MAN2A1: variants seen among roughly 807,000 people sequenced by gnomAD.
MAN2A1 encodes the protein alpha-mannosidase 2.
Under a neutral mutation model 142.6 loss-of-function variants are expected in MAN2A1, and 76 were observed. The ratio of observed to expected loss-of-function variants is 0.53; its 90% CI spans 0.44 to 0.65. The LOEUF (loss-of-function observed/expected upper bound fraction) is 0.65, where lower values mean the gene tolerates loss of function less well. MAN2A1 is among the 30% of genes least tolerant of loss of function. The pLI, the probability that MAN2A1 is intolerant of heterozygous loss-of-function variation, is 0.00. For missense variants in MAN2A1, 1,311 were observed against 1,365.1 expected, an observed-to-expected ratio of 0.96 and a Z score of 0.62; for synonymous variants, 559 against 473.2, an observed-to-expected ratio of 1.18 and a Z score of -2.35.
intron 12 of MAN2A1, among the ~76,000 whole-genome samples, chr5:109,808,476 A>T (rs1580273719): frequency 6.6e-6 from 1 of 152,182 alleles, no homozygotes; most frequent in East Asian, 1.9e-4. Flanking sequence ...ATAATGCAAC[A>T]AACATTTTCT....
At chr5:109,699,057 A>G (rs1179371942) in intron 1 of MAN2A1, among the ~76,000 whole-genome samples, 1 of 152,210 alleles carries the variant, frequency 6.6e-6, no homozygotes, top group Non-Finnish European at 1.5e-5. Context: ...GTTTTTAAAA[A>G]AGTTTTGTAT....
intron 4 of MAN2A1, among the ~76,000 whole-genome samples, chr5:109,732,042 A>G (rs1375714986): frequency 6.6e-6 from 1 of 151,878 alleles, no homozygotes; most frequent in Non-Finnish European, 1.5e-5. Context: ...TGACTTTTTA[A>G]TGATTGCCAT....
At chr5:109,815,145 A>T (rs182697340) in intron 12 of MAN2A1, among the ~76,000 whole-genome samples, 8 of 152,278 alleles carry the variant, frequency 5.3e-5, no homozygotes, top group South Asian at 2.1e-4. Flanking sequence ...CACCTTAGAA[A>T]TATAGGACAG....
At chr5:109,690,622 A>G in intron 1 of MAN2A1, 70 bp downstream of exon 1, 1 of 1,504,172 alleles carries the variant, frequency 6.6e-7, no homozygotes, top group Non-Finnish European at 9.0e-7. Flanking sequence ...AGCGGCTGCT[A>G]CCCAACCTCT....
intron 19 of MAN2A1, among the ~76,000 whole-genome samples, chr5:109,849,416 C>G (rs1755422664): frequency 3.3e-5 from 5 of 152,276 alleles, no homozygotes; most frequent in Admixed American, 3.3e-4. Flanking sequence ...TCTCCCAAAC[C>G]TGGCCCATTT....
chr5:109,700,145 T>C (rs913170339), intron 1 of MAN2A1, among the ~76,000 whole-genome samples: 1 of 152,200 alleles, frequency 6.6e-6, no homozygotes, highest in African/African-American at 2.4e-5. Flanking sequence ...CCCTTTTTGT[T>C]AGCGTCAGAG....
intron 4 of MAN2A1, among the ~76,000 whole-genome samples, chr5:109,745,223 G>T (rs12188708): frequency 0.018 from 2,807 of 152,058 alleles, 34 homozygotes; most frequent in Middle Eastern, 0.071. Context: ...GAAAATATGT[G>T]TATTGTATAT....
intron 1 of MAN2A1, among the ~76,000 whole-genome samples, chr5:109,698,785 T>C (rs1446354502): frequency 2.6e-5 from 4 of 152,092 alleles, no homozygotes; most frequent in Admixed American, 2.6e-4. Context: ...CTTTTAAACA[T>C]GTAAAAGGTA....
intron 11 of MAN2A1, 100 bp from the exon 12 acceptor site, chr5:109,789,360 A>G (rs772393507): frequency 1.0e-5 from 7 of 695,722 alleles, no homozygotes; most frequent in Non-Finnish European, 1.6e-5. Context: ...ATAAGTCCTT[A>G]ATCTGTTCCT....
At chr5:109,818,953 A>G (rs1422653802) in intron 13 of MAN2A1, among the ~76,000 whole-genome samples, 5 of 152,186 alleles carry the variant, frequency 3.3e-5, no homozygotes, top group Non-Finnish European at 7.3e-5. Context: ...AACAAAATCT[A>G]TGGATGCTCA....
At chr5:109,785,769 A>G (rs553961282) in intron 10 of MAN2A1, among the ~76,000 whole-genome samples, 1 of 152,088 alleles carries the variant, frequency 6.6e-6, no homozygotes, top group South Asian at 2.1e-4. Context: ...TATTTACTGT[A>G]GTTTAGACTA....
intron 20 of MAN2A1, 117 bp from the exon 21 acceptor site, chr5:109,864,915 CCTAA>C (rs1755840857): frequency 2.8e-6 from 2 of 704,510 alleles, no homozygotes; most frequent in Admixed American, 4.3e-5. Flanking sequence ...AATGAATTTG[CCTAA>C]CTTTCTTGCT....
intron 18 of MAN2A1, among the ~76,000 whole-genome samples, chr5:109,846,318 G>A (rs1389452649): frequency 6.6e-6 from 1 of 152,174 alleles, no homozygotes; most frequent in Non-Finnish European, 1.5e-5. Flanking sequence ...TGATTTAACG[G>A]ATGTGGAAAC....
chr5:109,854,513 G>T (rs1036515408), intron 19 of MAN2A1: 3 of 152,056 alleles, frequency 2.0e-5, no homozygotes, highest in Non-Finnish European at 4.4e-5. Context: ...AATTGGCAAT[G>T]ATTTACCAAG....
intron 12 of MAN2A1, among the ~76,000 whole-genome samples, chr5:109,799,287 T>C (rs549078388): frequency 6.6e-5 from 10 of 152,330 alleles, no homozygotes; most frequent in African/African-American, 2.2e-4. Flanking sequence ...GTGGCTTGTG[T>C]GCCTGTATTT....
intron 5 of MAN2A1, among the ~76,000 whole-genome samples, chr5:109,761,049 T>C (rs371930024): frequency 2.0e-5 from 3 of 151,618 alleles, no homozygotes; most frequent in African/African-American, 7.2e-5. Flanking sequence ...CTCTTAATCA[T>C]TTAATACCAG....
At position 109,784,941 on chromosome 5, in the gene MAN2A1, GAAAAATCATCTTTAA is replaced by G. The variant is rs1184686433; in HGVS notation, c.1760+25_1760+39del. 2.6e-6 allele frequency: 4 copies of G among 1,546,882 alleles called. No homozygotes were observed. Among genetic ancestry groups the G allele is most frequent in the Non-Finnish European group, 3.5e-6 (4 of 1,149,036 alleles). ...TATGGTACCAGGTAATCTAATTATA[GAAAAATCATCTTTAA>G]AAAAATCATTAAAATTATGGGTAAT... On this transcript the variant is annotated intron_variant, in intron 10 of 21. Transcript: ENST00000261483.
At chr5:109,707,184 A>C (rs1415760084) in intron 1 of MAN2A1, among the ~76,000 whole-genome samples, 1 of 152,120 alleles carries the variant, frequency 6.6e-6, no homozygotes, top group Non-Finnish European at 1.5e-5. Context: ...TATTTCCCAA[A>C]CAGCCCATGA....
chr5:109,771,076 TA>T, intron 7 of MAN2A1, among the ~76,000 whole-genome samples: 1 of 152,280 alleles, frequency 6.6e-6, no homozygotes, highest in African/African-American at 2.4e-5. Flanking sequence ...TATTTATACT[TA>T]AATACATTTA....
Sources: gnomAD v4.1 joint callset for allele counts (sites outside exome capture counted in the v4.1 genomes callset) on GRCh38, gnomAD v4.1.1 for gene constraint, MANE v1.5 for transcripts, NCBI Gene and HGNC (gene_info 2026-07-23, HGNC 2026-07-21) for gene names.